Variants in EML6 observed in about 807,000 individuals in gnomAD.
EML6 encodes echinoderm microtubule-associated protein-like 6.
A neutral mutation model predicts 240.1 loss-of-function variants in EML6; 154 were observed. The observed-to-expected ratio is 0.64, with a 90% CI of 0.56 to 0.73. The LOEUF (loss-of-function observed/expected upper bound fraction) is 0.73, where lower values mean the gene tolerates loss of function less well. Among genes scored for constraint, EML6 ranks in the 30% least tolerant of loss-of-function variants. EML6 has a pLI of 0.00. For missense variants in EML6, 2,964 were observed against 2,474.6 expected, an observed-to-expected ratio of 1.20 and a Z score of -4.20; for synonymous variants, 1,148 against 899.0, an observed-to-expected ratio of 1.28 and a Z score of -4.95.
chr2:54,895,425 T>A, intron 21 of EML6, 25 bp downstream of exon 21: 1 of 1,550,808 alleles, frequency 6.4e-7, no homozygotes, highest in Non-Finnish European at 8.7e-7. Flanking sequence ...TATTCTAAAC[T>A]GCAGTTCACA....
At chr2:54,917,352 T>G (rs541928713) in intron 26 of EML6, among the ~76,000 whole-genome samples, 52 of 100,890 alleles carry the variant, frequency 5.2e-4, no homozygotes, top group Admixed American at 4.3e-3. Context: ...TTCCCTTTTT[T>G]TTTTTGTTTT....
intron 12 of EML6, 146 bp downstream of exon 12, chr2:54,859,847 A>G: frequency 1.5e-6 from 1 of 668,332 alleles, no homozygotes; most frequent in African/African-American, 1.9e-5. Flanking sequence ...ATAAGAAGAA[A>G]CTTTAAAGAT....
intron 17 of EML6, among the ~76,000 whole-genome samples, chr2:54,886,414 C>T (rs182810700): frequency 4.6e-5 from 7 of 152,138 alleles, no homozygotes; most frequent in Non-Finnish European, 1.0e-4. Context: ...AGGTGATCCG[C>T]CCACCTCAGC....
At chr2:54,733,005 T>C (rs1457982015) in intron 2 of EML6, among the ~76,000 whole-genome samples, 2 of 152,232 alleles carry the variant, frequency 1.3e-5, no homozygotes, top group African/African-American at 2.4e-5. Flanking sequence ...CTCTTTGACC[T>C]CTACTCTTTT....
intron 36 of EML6, among the ~76,000 whole-genome samples, chr2:54,963,685 G>A (rs558953531): frequency 3.9e-5 from 6 of 152,326 alleles, no homozygotes; most frequent in African/African-American, 1.4e-4. Flanking sequence ...TGCTACAGTG[G>A]CAAAGGTGAG....
chr2:54,961,185 T>TTGTTTTTTTTTG (rs1491471475), intron 35 of EML6, among the ~76,000 whole-genome samples: 1 of 62,388 alleles, frequency 1.6e-5, no homozygotes, highest in East Asian at 4.0e-4. Flanking sequence ...CAGGAAGTAG[T>TTGTTTTTTTTTG]TTTTTTTTTT....
intron 22 of EML6, among the ~76,000 whole-genome samples, chr2:54,900,601 G>T (rs1048605672): frequency 6.6e-6 from 1 of 152,330 alleles, no homozygotes; most frequent in East Asian, 1.9e-4. Context: ...GATAGCAGGG[G>T]ACTCTGCCAG....
At chr2:54,822,292 G>T (rs1417107926) in intron 5 of EML6, among the ~76,000 whole-genome samples, 1 of 152,104 alleles carries the variant, frequency 6.6e-6, no homozygotes, top group Non-Finnish European at 1.5e-5. Flanking sequence ...GGTAGAGAGG[G>T]GTAAGCTGAT....
At chr2:54,940,691 C>T (rs1238636627) in intron 28 of EML6, among the ~76,000 whole-genome samples, 2 of 152,212 alleles carry the variant, frequency 1.3e-5, no homozygotes, top group African/African-American at 4.8e-5. Flanking sequence ...ACCACTTTTA[C>T]CTTCACTTCA....
intron 2 of EML6, among the ~76,000 whole-genome samples, chr2:54,795,869 C>G (rs1669738940): frequency 6.6e-6 from 1 of 152,098 alleles, no homozygotes; most frequent in Non-Finnish European, 1.5e-5. Context: ...AATTTAAGAA[C>G]AGTGGTACTC....
rs1676644881 is a variant in EML6 at position 54,964,090 on chromosome 2, C to G, written c.5262C>G (p.Ile1754Met). The G allele has an allele frequency of 3.2e-6, 5 of 1,551,730 alleles. No homozygotes were observed. The South Asian group carries it at 5.9e-5, about 18-fold the overall frequency. ...AIGMKNGEFV[I>M]LLVNSLKVWG... is the part of the protein sequence containing the mutation. The stretch of plus-strand genomic sequence containing the variant: ...GCATGAAGAATGGAGAGTTTGTCAT[C>G]TTGTTGGTGAACAGCCTGAAAGTTT... Residue 1754 changes from isoleucine (I) to methionine (M), a missense_variant, in exon 37 of 42, where the codon ATC (isoleucine) becomes ATG (methionine). Physicochemically the swap from Ile to Met is conservative, Grantham distance 10. Coordinates refer to ENST00000356458, the MANE Select transcript of EML6 (RefSeq NM_001039753.4).
chr2:54,969,816 TCACGGACCAACATTTAG>T (rs1676911849), intron 41 of EML6, among the ~76,000 whole-genome samples: 2 of 152,086 alleles, frequency 1.3e-5, no homozygotes, highest in Non-Finnish European at 2.9e-5. Context: ...CCAGAAGTCC[TCACGGACCAACATTTAG>T]CACAGACATT....
At chr2:54,922,905 T>G (rs1674334918) in intron 26 of EML6, among the ~76,000 whole-genome samples, 1 of 145,970 alleles carries the variant, frequency 6.9e-6, no homozygotes. Flanking sequence ...TGGGTGGAAA[T>G]GGGGAGATGT....
chr2:54,809,807 C>T (rs193301931), intron 2 of EML6, among the ~76,000 whole-genome samples: 16 of 152,184 alleles, frequency 1.1e-4, no homozygotes, highest in African/African-American at 3.6e-4. Flanking sequence ...TGAGGCTTAA[C>T]GTGCTTTTGA....
At chr2:54,779,935 A>G (rs1163405895) in intron 2 of EML6, among the ~76,000 whole-genome samples, 3 of 151,914 alleles carry the variant, frequency 2.0e-5, no homozygotes, top group East Asian at 3.9e-4. Flanking sequence ...GGGAAAAAAT[A>G]TCTTTACAAA....
At chr2:54,815,267 G>A (rs1188312393) in intron 3 of EML6, among the ~76,000 whole-genome samples, 1 of 152,160 alleles carries the variant, frequency 6.6e-6, no homozygotes, top group African/African-American at 2.4e-5. Flanking sequence ...TAACTGTCAG[G>A]TGAGAGAAAT....
chr2:54,971,300 G>A lies in EML6; in HGVS notation c.*1205G>A, dbSNP rs1433292697. On this transcript the variant is annotated 3_prime_UTR_variant, in exon 42 of 42. Transcript: ENST00000356458. ...GGACAATCTTTACCAGAAGCCATCC[G>A]TAAGCCCCTCAGTCACACTTTCCAT... 6.6e-6 allele frequency: 1 copy of A among 152,152 alleles called. No homozygotes were observed. Among genetic ancestry groups the A allele is most frequent in the Admixed American group, 6.6e-5 (1 of 15,266 alleles). The allele number at this position is 152,152 out of a possible 1,614,324, so 9.4% of individuals were successfully genotyped here. A position where few individuals can be genotyped will look rare whatever the true frequency, so the allele number is the denominator to read the frequency against.
chr2:54,772,154 A>G (rs1231770872), intron 2 of EML6, among the ~76,000 whole-genome samples: 3 of 152,230 alleles, frequency 2.0e-5, no homozygotes, highest in Non-Finnish European at 4.4e-5. Flanking sequence ...ACTATTTATG[A>G]AATTCCTGCT....
rs574783388 is a variant in EML6 at position 54,750,176 on chromosome 2, C to T, written c.197+24918C>T. Among the ~76,000 whole-genome samples, 4 of 152,258 alleles carry T rather than the reference C, an allele frequency of 2.6e-5. No homozygotes were observed. The South Asian group carries it at 6.2e-4, about 24-fold the overall frequency. On this transcript the variant is annotated intron_variant, in intron 2 of 41. Transcript: ENST00000356458. Reference sequence around the variant, plus strand: ...GGCCTGGCTGCCCAGCCTGAGGGCCCGATATTTGGCTTTTGGATATGGCCC... The same window carrying T: ...GGCCTGGCTGCCCAGCCTGAGGGCCTGATATTTGGCTTTTGGATATGGCCC...
Sources: gnomAD v4.1 joint callset for allele counts (sites outside exome capture counted in the v4.1 genomes callset) on GRCh38, gnomAD v4.1.1 for gene constraint, MANE v1.5 for transcripts, NCBI Gene and HGNC (gene_info 2026-07-23, HGNC 2026-07-21) for gene names.